The following MARCHF10 variants were observed in gnomAD, a reference collection of about 807,000 sequenced individuals.
MARCHF10 encodes the protein probable E3 ubiquitin-protein ligase MARCHF10.
MARCHF10 carries 64 observed loss-of-function variants against 76.2 expected under a neutral mutation model. That is an observed-to-expected ratio of 0.84 (90% CI 0.69 to 1.03). MARCHF10 has a LOEUF of 1.03. Ranked by LOEUF, MARCHF10 falls within the 50% of genes least tolerant of loss-of-function variation. The probability of loss-of-function intolerance (pLI) is 0.00; values close to 1 mark genes in which losing one functional copy is unlikely to be tolerated. For missense variants in MARCHF10, 875 were observed against 958.0 expected, an observed-to-expected ratio of 0.91 and a Z score of 1.14; for synonymous variants, 340 against 357.5, an observed-to-expected ratio of 0.95 and a Z score of 0.55.
intron 9 of MARCHF10, among the ~76,000 whole-genome samples, chr17:62,707,017 C>T (rs563479470): frequency 1.3e-5 from 2 of 152,290 alleles, no homozygotes; most frequent in African/African-American, 2.4e-5. Context: ...CTTGCAGAAG[C>T]GAGCATCCAG....
At chr17:62,708,437 G>C (rs2089724719) in intron 9 of MARCHF10, among the ~76,000 whole-genome samples, 1 of 152,036 alleles carries the variant, frequency 6.6e-6, no homozygotes, top group Non-Finnish European at 1.5e-5. Context: ...GTAGAGACAG[G>C]GTTTCACCGT....
At chr17:62,801,443 G>A (rs973860805) in intron 2 of MARCHF10, among the ~76,000 whole-genome samples, 15 of 150,574 alleles carry the variant, frequency 1.0e-4, no homozygotes, top group Non-Finnish European at 1.8e-4. Context: ...ATGAGCCACC[G>A]TGCCCAGCTA....
At position 62,711,139 on chromosome 17, in the gene MARCHF10, G is replaced by T; in HGVS notation, c.2328+92C>A. 2.0e-6 allele frequency: 2 copies of T among 1,005,338 alleles called. No individual in the cohort carries two copies. Among genetic ancestry groups the T allele is most frequent in the Non-Finnish European group, 1.6e-6 (1 of 638,322 alleles). 62.3% of individuals were successfully genotyped at this position (1,005,338 alleles called of 1,614,324 possible). On this transcript the variant is annotated intron_variant, in intron 9 of 10. Transcript: ENST00000311269. This position sits in a 1 kb window ranked among gnomAD's most constrained non-coding sequence, Gnocchi z 4.4. ...TAGTCCCATATCCTCCCAAGCGACC[G>T]TGAGGACCTCAACAGCTTGCACATC...
At chr17:62,757,019 T>C (rs1484943246) in intron 4 of MARCHF10, among the ~76,000 whole-genome samples, 1 of 152,190 alleles carries the variant, frequency 6.6e-6, no homozygotes, top group Non-Finnish European at 1.5e-5. Context: ...TTTTAAATAG[T>C]TGTTTTGGAG....
intron 9 of MARCHF10, among the ~76,000 whole-genome samples, chr17:62,710,550 C>CTTTTTTTTTTTTTTTTTTTTTTT (rs552647502): frequency 2.3e-5 from 2 of 88,620 alleles, no homozygotes; most frequent in African/African-American, 1.0e-4. Context: ...TTGAACCCAG[C>CTTTTTTTTTTTTTTTTTTTTTTT]TTTTTTTTTT....
chr17:62,794,693 C>G (rs904491619), intron 2 of MARCHF10, among the ~76,000 whole-genome samples: 2 of 152,178 alleles, frequency 1.3e-5, no homozygotes, highest in Admixed American at 1.3e-4. Context: ...GGAACACTTC[C>G]CAGCCTCATA....
chr17:62,796,821 GTC>G (rs1260527235), intron 2 of MARCHF10, among the ~76,000 whole-genome samples: 2 of 152,104 alleles, frequency 1.3e-5, no homozygotes, highest in African/African-American at 2.4e-5. Flanking sequence ...AGACCCCCGT[GTC>G]TCTATAAAAA....
intron 2 of MARCHF10, among the ~76,000 whole-genome samples, chr17:62,790,463 G>A (rs114472517): frequency 0.027 from 4,158 of 152,208 alleles, 70 homozygotes; most frequent in East Asian, 0.059. Context: ...GGCATGAGCC[G>A]CCACACCCAG....
rs1555696219 is a variant in MARCHF10, at chr17:62,738,060, T to TCACTCACA, written c.536-729_536-728insTGTGAGTG. On this transcript the variant is annotated intron_variant, in intron 5 of 10. Coordinates refer to ENST00000311269, the MANE Select transcript of MARCHF10 (RefSeq NM_152598.4). The surrounding 1 kb of genome is among the most constrained non-coding windows in gnomAD (Gnocchi z 4.0). The stretch of plus-strand genomic sequence containing the variant: ...AACTGTCTCTCTCTGTCTCTCTCTG[T>TCACTCACA]CACACACACACACACACACACACAC... 7.9e-6 allele frequency: 1 copy of TCACTCACA among 127,312 alleles called. No homozygotes were observed. Among genetic ancestry groups the TCACTCACA allele is most frequent in the African/African-American group, 3.1e-5 (1 of 31,910 alleles). 7.9% of individuals were successfully genotyped at this position (127,312 alleles called of 1,614,324 possible).
At chr17:62,703,376 C>G (rs572455442) in intron 10 of MARCHF10, 1 of 152,448 alleles carries the variant, frequency 6.6e-6, no homozygotes, top group Non-Finnish European at 1.5e-5. Context: ...GCCAGGGGAC[C>G]AAGGGAGTGT....
At chr17:62,752,422 C>T (rs755628206) in intron 4 of MARCHF10, among the ~76,000 whole-genome samples, 5 of 152,214 alleles carry the variant, frequency 3.3e-5, no homozygotes, top group Non-Finnish European at 7.3e-5. Context: ...GCCCTGCCTG[C>T]AGCTCAAAGG....
chr17:62,704,815 G>T, intron 10 of MARCHF10: 1 of 557,828 alleles, frequency 1.8e-6, no homozygotes, highest in Non-Finnish European at 2.3e-6. Flanking sequence ...TTTTCCCCCA[G>T]AAGAATCTCT....
intron 7 of MARCHF10, 32 bp from the exon 8 acceptor site, chr17:62,722,629 T>G: frequency 1.9e-6 from 3 of 1,554,994 alleles, no homozygotes; most frequent in Non-Finnish European, 2.6e-6. Context: ...TATGTACATA[T>G]AACCATGGGT....
At position 62,768,160 on chromosome 17, in the gene MARCHF10, G is replaced by A. The variant is rs916891677; in HGVS notation, c.211-8154C>T. ...GCAAGAGATACACTTTTATCTTGTC[G>A]ACTGAGCCACTGCATTCTTGGTCCC... On this transcript the variant is annotated intron_variant, in intron 3 of 10. Transcript: ENST00000311269. Among the ~76,000 whole-genome samples, 10 of 152,132 alleles carry A rather than the reference G, an allele frequency of 6.6e-5. 1 individual carries two copies. Among genetic ancestry groups the A allele is most frequent in the African/African-American group, 1.7e-4 (7 of 41,420 alleles).
intron 10 of MARCHF10, among the ~76,000 whole-genome samples, chr17:62,704,530 T>G (rs929631306): frequency 1.3e-5 from 2 of 152,132 alleles, no homozygotes; most frequent in Non-Finnish European, 2.9e-5. Context: ...TTCTCTAGGG[T>G]CGTAATCTGG....
At chr17:62,732,854 G>A (rs1024749533) in intron 6 of MARCHF10, among the ~76,000 whole-genome samples, 11 of 151,806 alleles carry the variant, frequency 7.2e-5, no homozygotes, top group Admixed American at 2.0e-4. Context: ...TTAGCTGGGC[G>A]TGGTGGTGCA....
intron 2 of MARCHF10, among the ~76,000 whole-genome samples, chr17:62,794,098 ACCC>A (rs908083702): frequency 7.0e-5 from 9 of 127,992 alleles, no homozygotes; most frequent in African/African-American, 2.8e-4. Context: ...CATCGCCACC[ACCC>A]CCATCAACCA....
chr17:62,722,683 A>G, intron 7 of MARCHF10, 86 bp from the exon 8 acceptor site: 1 of 1,092,308 alleles, frequency 9.2e-7, no homozygotes, highest in Non-Finnish European at 1.3e-6. Flanking sequence ...TGGGGAGTGA[A>G]CTTGTGTGTG....
intron 2 of MARCHF10, among the ~76,000 whole-genome samples, chr17:62,790,122 G>A (rs1407194575): frequency 2.6e-5 from 4 of 151,948 alleles, no homozygotes; most frequent in Non-Finnish European, 4.4e-5. Context: ...CAAACCTGAG[G>A]ATATCATGTA....
Sources: allele counts gnomAD v4.1 joint callset (sites outside exome capture counted in the v4.1 genomes callset), GRCh38; gene constraint gnomAD v4.1.1; non-coding constraint Gnocchi (gnomAD v3.1); transcripts MANE v1.5; gene names NCBI Gene and HGNC (gene_info 2026-07-23, HGNC 2026-07-21).